Variants in ZC3H6 observed in about 807,000 individuals in gnomAD.
ZC3H6 encodes the protein zinc finger CCCH-type containing 6.
Under a neutral mutation model 107.7 loss-of-function variants are expected in ZC3H6, and 40 were observed. The ratio of observed to expected loss-of-function variants is 0.37; its 90% CI spans 0.29 to 0.48. ZC3H6 has a LOEUF of 0.48. ZC3H6 is among the 20% of genes least tolerant of loss of function. The pLI is 0.98. For missense variants in ZC3H6, 1,267 were observed against 1,410.4 expected, an observed-to-expected ratio of 0.90 and a Z score of 1.63; for synonymous variants, 493 against 487.9, an observed-to-expected ratio of 1.01 and a Z score of -0.14.
intron 11 of ZC3H6, among the ~76,000 whole-genome samples, chr2:112,325,520 A>T (rs1222652792): frequency 1.3e-5 from 2 of 152,134 alleles, no homozygotes; most frequent in Admixed American, 6.5e-5. Flanking sequence ...AATGTATTTC[A>T]TAGCCACTAT....
At chr2:112,304,796 C>T (rs1293521181) in intron 3 of ZC3H6, among the ~76,000 whole-genome samples, 1 of 152,204 alleles carries the variant, frequency 6.6e-6, no homozygotes, top group Admixed American at 6.5e-5. Context: ...TACAAGAGCA[C>T]TATTTTTTCT....
chr2:112,299,736 T>C (rs1676331239), intron 1 of ZC3H6, 113 bp from the exon 2 acceptor site: 3 of 823,782 alleles, frequency 3.6e-6, no homozygotes, highest in Non-Finnish European at 5.0e-6. Flanking sequence ...TTTCAAGTGC[T>C]TGTCTAAATG....
chr2:112,276,054 T>C (rs1273949344), intron 1 of ZC3H6, 28 bp downstream of exon 1: 1 of 1,537,640 alleles, frequency 6.5e-7, no homozygotes, highest in African/African-American at 1.4e-5. Context: ...TCTGTCTTTC[T>C]GTCGGATGAG....
At chr2:112,327,612 A>G (rs1290844342) in intron 11 of ZC3H6, among the ~76,000 whole-genome samples, 3 of 152,160 alleles carry the variant, frequency 2.0e-5, no homozygotes, top group Admixed American at 6.5e-5. Flanking sequence ...AGTTTACCCA[A>G]TGTTTTCTGG....
intron 1 of ZC3H6, among the ~76,000 whole-genome samples, chr2:112,293,555 G>A (rs1328299587): frequency 5.9e-5 from 9 of 152,172 alleles, no homozygotes; most frequent in Non-Finnish European, 1.0e-4. Flanking sequence ...AATGCCGAAG[G>A]CCAAGTTTTG....
intron 5 of ZC3H6, among the ~76,000 whole-genome samples, chr2:112,313,511 A>C (rs1676630302): frequency 6.6e-6 from 1 of 152,186 alleles, no homozygotes; most frequent in African/African-American, 2.4e-5. Flanking sequence ...CTGCAAAATG[A>C]GGGTATAGTA....
At position 112,332,350 on chromosome 2, in the gene ZC3H6, G is replaced by A. The variant is rs185876627; in HGVS notation, c.3432G>A (p.Gln1144=). 8.4e-4 allele frequency: 1,355 copies of A among 1,613,868 alleles called. 13 individuals carry two copies. The East Asian group carries it at 0.016, about 19-fold the overall frequency. The change falls in exon 12 of 12, where the codon CAG becomes CAA. Residue 1144 remains glutamine (Q), a synonymous_variant. Transcript: ENST00000409871. ...CATTAACAGGCTTAATTAGGCCACA[G>A]TACAGTGATCCAAGGCAGGCAAGGC... ...VQALTGLIRP[Q]YSDPRQARQP...
intron 1 of ZC3H6, among the ~76,000 whole-genome samples, chr2:112,294,862 A>G (rs767813572): frequency 6.6e-6 from 1 of 152,156 alleles, no homozygotes; most frequent in Non-Finnish European, 1.5e-5. Flanking sequence ...GGGTATTATG[A>G]TTTTCCCCAG....
rs1677187151 is a variant in ZC3H6 at position 112,338,860 on chromosome 2, TATATATATATATATATATATA to T, written c.*6373_*6393del. The T allele has an allele frequency of 7.0e-4, 2 of 2,860 alleles. No individual in the cohort carries two copies. The highest frequency in any genetic ancestry group is 4.5e-3 in the African/African-American group (1 of 222). 0.2% of individuals were successfully genotyped at this position (2,860 alleles called of 1,614,324 possible). On this transcript the variant is annotated 3_prime_UTR_variant, in exon 12 of 12. Coordinates refer to ENST00000409871, the MANE Select transcript of ZC3H6 (RefSeq NM_198581.3). ...ATATATGTATGTATATGTGTGTATA[TATATATATATATATATATATA>T]TATATATATATATATATATATATAT... is the stretch of plus-strand genomic sequence containing the variant.
At chr2:112,302,067 T>C (rs1307682736) in intron 2 of ZC3H6, among the ~76,000 whole-genome samples, 1 of 152,054 alleles carries the variant, frequency 6.6e-6, no homozygotes. Context: ...GAGTTTGTAA[T>C]CTACCCTACC....
Position 112,324,568 on chromosome 2 carries a change from C to A in ZC3H6, c.1757C>A (p.Thr586Asn). The change falls in exon 10 of 12, where the codon ACC becomes AAC. Residue 586 changes from threonine (T) to asparagine (N), a missense_variant. By Grantham distance (65) the Thr-to-Asn change is moderately conservative (BLOSUM62 0). This residue lies in a region of ZC3H6 where 925 missense variants were observed against 1,025.7 expected (regional missense o/e 0.90). Transcript: ENST00000409871. ...AGTCCTGGTGAAATGCAGCTCAACACCAATTATGAGTCCCTGCAAAACCCA... is the reference window on the plus strand; with the variant it reads ...AGTCCTGGTGAAATGCAGCTCAACAACAATTATGAGTCCCTGCAAAACCCA... The part of the protein sequence containing the change: ...QQSPGEMQLN[T>N]NYESLQNPAE... 1 of 1,611,996 alleles carries A rather than the reference C, an allele frequency of 6.2e-7. No homozygotes were observed.
At chr2:112,288,446 A>G (rs932293529) in intron 1 of ZC3H6, among the ~76,000 whole-genome samples, 5 of 152,194 alleles carry the variant, frequency 3.3e-5, no homozygotes, top group African/African-American at 9.7e-5. Flanking sequence ...AGTGCTAGGT[A>G]ATTAACTTTA....
At chr2:112,318,662 C>G (rs181262463) in intron 7 of ZC3H6, among the ~76,000 whole-genome samples, 20 of 152,278 alleles carry the variant, frequency 1.3e-4, no homozygotes, top group Admixed American at 1.2e-3. Flanking sequence ...GACCTTGATG[C>G]TGGCAATGTC....
Position 112,331,102 on chromosome 2 carries a change from G to T in ZC3H6, c.2184G>T (p.Arg728Ser). Reference sequence around the variant, plus strand: ...TACAGAAACAAACAGAAACTTTAAGGAATCAGCAACAACCTTCCACAGAAC... The same window carrying T: ...TACAGAAACAAACAGAAACTTTAAGTAATCAGCAACAACCTTCCACAGAAC... ...KTLQKQTETLRNQQQPSTELS... is the reference protein window; with the variant it reads ...KTLQKQTETLSNQQQPSTELS... The change falls in exon 12 of 12, where the codon AGG becomes AGT. Residue 728 changes from arginine to serine, a missense_variant. By Grantham distance (110) the Arg-to-Ser change is moderately radical. Around this residue, in one of 3 missense-constraint regions of ZC3H6, gnomAD observed 925 missense variants for 1,025.7 expected, o/e 0.90. Transcript: ENST00000409871. The T allele has an allele frequency of 6.2e-7, 1 of 1,611,606 alleles. No homozygotes were observed. Among genetic ancestry groups the T allele is most frequent in the Non-Finnish European group, 8.5e-7 (1 of 1,178,896 alleles).
At position 112,335,693 on chromosome 2, in the gene ZC3H6, CAT is replaced by C. The variant is rs1156950008; in HGVS notation, c.*3206_*3207del. ...TTAAGTTGTACAAATTCCAAAATAA[CAT>C]GGTATGGTTTGTATGGTTTAGCAAT... On this transcript the variant is annotated 3_prime_UTR_variant, in exon 12 of 12. Transcript: ENST00000409871. 3 of 152,042 alleles carry C rather than the reference CAT, an allele frequency of 2.0e-5. No individual in the cohort carries two copies. Among genetic ancestry groups the C allele is most frequent in the Non-Finnish European group, 4.4e-5 (3 of 68,022 alleles). 9.4% of individuals were successfully genotyped at this position (152,042 alleles called of 1,614,324 possible).
At chr2:112,316,106 A>G (rs1261205141) in intron 5 of ZC3H6, among the ~76,000 whole-genome samples, 1 of 152,206 alleles carries the variant, frequency 6.6e-6, no homozygotes, top group African/African-American at 2.4e-5. Flanking sequence ...TACAAGTTGT[A>G]TGTCAAACAA....
intron 7 of ZC3H6, among the ~76,000 whole-genome samples, chr2:112,319,957 A>G (rs866019583): frequency 2.6e-5 from 4 of 152,052 alleles, no homozygotes; most frequent in African/African-American, 7.2e-5. Context: ...TGTGAGACGG[A>G]GTTTCACTTT....
chr2:112,299,982 G>A lies in ZC3H6; in HGVS notation c.166G>A (p.Glu56Lys). The change falls in exon 2 of 12, where the codon GAG (glutamate) becomes AAG (lysine). Residue 56 changes from glutamate to lysine, a missense_variant. Physicochemically the swap from Glu to Lys is moderately conservative, Grantham distance 56. Around this residue, in one of 3 missense-constraint regions of ZC3H6, gnomAD observed 337 missense variants for 361.2 expected, o/e 0.93. Transcript: ENST00000409871. ...AAAATCAAGAAAAAAACATAAGAAA[G>A]AGAGAGAGAAGAAAAAATCCAAAAG... ...YRKSRKKHKKEREKKKSKRRK... is the reference protein window; with the variant it reads ...YRKSRKKHKKKREKKKSKRRK... 6.7e-7 allele frequency: 1 copy of A among 1,488,892 alleles called. No individual in the cohort carries two copies. The allele number at this position is 1,488,892 out of a possible 1,614,324, so 92.2% of individuals were successfully genotyped here. A position where few individuals can be genotyped will look rare whatever the true frequency, so the allele number is the denominator to read the frequency against.
intron 3 of ZC3H6, among the ~76,000 whole-genome samples, chr2:112,303,813 GA>G (rs1676428881): frequency 6.6e-6 from 1 of 151,982 alleles, no homozygotes; most frequent in Admixed American, 6.5e-5. Context: ...GGGTGTTCAT[GA>G]AAAAAAGCTT....
Sources: allele counts gnomAD v4.1 joint callset (sites outside exome capture counted in the v4.1 genomes callset), GRCh38; gene constraint gnomAD v4.1.1; regional missense constraint gnomAD v4.1.1; transcripts MANE v1.5; gene names NCBI Gene and HGNC (gene_info 2026-07-23, HGNC 2026-07-21).